Variants in RRP12 observed in about 807,000 individuals in gnomAD.
RRP12 encodes the protein ribosomal RNA processing 12 homolog.
In RRP12, 78 loss-of-function variants were observed where a neutral mutation model predicts 157.3. The observed-to-expected ratio is 0.50, with a 90% CI of 0.41 to 0.60. RRP12 has a LOEUF of 0.60. Among genes scored for constraint, RRP12 ranks in the 20% least tolerant of loss-of-function variants. RRP12 has a pLI of 0.00. For synonymous variants in RRP12, 726 were observed against 670.9 expected (o/e 1.08, Z -1.27); for missense variants, 1,521 against 1,679.9 (o/e 0.91, Z 1.65).
Position 97,366,227 on chromosome 10 carries a change from T to C in RRP12, c.3398A>G (p.Gln1133Arg). ...CTTCCTGCCCCGGCCTGGCCCTGGC[T>C]GCGTGGCTGGGGTGTAGAGTTTGGC... ...PKVAQRVLATQPGPGRGRKKD... is the reference protein window; with the variant it reads ...PKVAQRVLATRPGPGRGRKKD... Residue 1133 changes from glutamine (Q) to arginine (R), a missense_variant, in exon 29 of 34, where the codon CAG becomes CGG. Gln to Arg is a conservative substitution (Grantham distance 43, BLOSUM62 1). Coordinates refer to ENST00000370992, the MANE Select transcript of RRP12 (RefSeq NM_015179.4). 2 of 1,611,698 alleles carry C rather than the reference T, an allele frequency of 1.2e-6. No individual in the cohort carries two copies. The highest frequency in any genetic ancestry group is 1.7e-6 in the Non-Finnish European group (2 of 1,179,954).
At chr10:97,357,324 A>G in intron 33 of RRP12, 128 bp from the exon 34 acceptor site, 1 of 612,102 alleles carries the variant, frequency 1.6e-6, no homozygotes, top group South Asian at 2.0e-5. Flanking sequence ...TGGCCAGCAC[A>G]TGAACTAGGC....
At chr10:97,390,637 G>T in intron 5 of RRP12, 98 bp from the exon 6 acceptor site, 1 of 1,331,494 alleles carries the variant, frequency 7.5e-7, no homozygotes, top group Non-Finnish European at 1.1e-6. Flanking sequence ...TCTGTCTGAG[G>T]TCCCCAGGGT....
chr10:97,374,900 T>C (rs1421249734), intron 15 of RRP12, among the ~76,000 whole-genome samples: 1 of 152,074 alleles, frequency 6.6e-6, no homozygotes, highest in Non-Finnish European at 1.5e-5. Context: ...TAATGAGCAC[T>C]TCACATGACT....
At chr10:97,365,893 C>CCATATTAA (rs1843961758) in intron 29 of RRP12, 16 of 604,678 alleles carry the variant, frequency 2.6e-5, no homozygotes, top group Middle Eastern at 4.4e-4. Flanking sequence ...CCGATAGTTT[C>CCATATTAA]CTTTAAGTTA....
intron 29 of RRP12, 143 bp downstream of exon 29, chr10:97,365,965 A>T (rs11189167): frequency 9.7e-7 from 1 of 1,029,466 alleles, no homozygotes; most frequent in African/African-American, 1.6e-5. Flanking sequence ...TTTCTCAAAA[A>T]AAGTTTGAGA....
At chr10:97,368,894 G>A in intron 25 of RRP12, among the ~76,000 whole-genome samples, 1 of 152,228 alleles carries the variant, frequency 6.6e-6, no homozygotes, top group Non-Finnish European at 1.5e-5. Flanking sequence ...TAGGTACAGT[G>A]CACAGCTTGG....
Position 97,388,338 on chromosome 10 carries a change from G to C in RRP12, c.931C>G (p.Leu311Val). The change falls in exon 8 of 34, where the codon CTG (leucine) becomes GTG (valine). Residue 311 changes from leucine (L) to valine (V), a missense_variant. Coordinates refer to ENST00000370992, the MANE Select transcript of RRP12 (RefSeq NM_015179.4). ...ATTTLHMLTL[L>V]KDLLPCFPEG... is the part of the protein sequence containing the mutation. ...GGGAAGCAGGGCAGCAGGTCCTTCA[G>C]CAGCGTCAGCATGTGCAGCGTGGTG... The C allele has an allele frequency of 1.2e-6, 2 of 1,613,962 alleles. No homozygotes were observed. The highest frequency in any genetic ancestry group is 1.7e-6 in the Non-Finnish European group (2 of 1,180,038).
At chr10:97,372,391 C>T (rs1018927984) in intron 19 of RRP12, among the ~76,000 whole-genome samples, 2 of 152,204 alleles carry the variant, frequency 1.3e-5, no homozygotes, top group African/African-American at 4.8e-5. Flanking sequence ...CTTCAATCCT[C>T]ATAGCAACCT....
rs1349155739 is a variant in RRP12 at position 97,373,251 on chromosome 10, T to C, written c.2027-51A>G. 31 of 1,580,142 alleles carry C rather than the reference T, an allele frequency of 2.0e-5. 1 individual carries two copies. Among genetic ancestry groups the C allele is most frequent in the Non-Finnish European group, 2.6e-5 (30 of 1,155,276 alleles). On this transcript the variant is annotated intron_variant, in intron 17 of 33. Coordinates refer to ENST00000370992, the MANE Select transcript of RRP12 (RefSeq NM_015179.4). ...TAAAGGCACAGGAGCTGACTGTGCC[T>C]CAGTGGCTGCTGGGGCTGTGGCCCA...
At chr10:97,388,734 G>A in intron 6 of RRP12, 110 bp from the exon 7 acceptor site, 2 of 1,335,618 alleles carry the variant, frequency 1.5e-6, no homozygotes, top group Non-Finnish European at 1.0e-6. Flanking sequence ...TAGATCCAAT[G>A]ATGATCTGAC....
rs201581444 is a variant in RRP12, at chr10:97,400,446, C to A, written c.228G>T (p.Glu76Asp). Residue 76 changes from glutamate (E) to aspartate (D), a missense_variant, in exon 2 of 34, where the codon GAG (glutamate) becomes GAT (aspartate). Coordinates refer to ENST00000370992, the MANE Select transcript of RRP12 (RefSeq NM_015179.4). ...GCTCCGCCTCTTCTTCCATGGGCGT[C>A]TCCGGGGCTTCGCTTTTGCCCAAGC... ...SLRLGKSEAP[E>D]TPMEEEAELV... 85 of 1,614,150 alleles carry A rather than the reference C, an allele frequency of 5.3e-5. No individual in the cohort carries two copies. The East Asian group carries it at 1.9e-3, about 36-fold the overall frequency.
intron 29 of RRP12, among the ~76,000 whole-genome samples, chr10:97,364,740 C>T (rs1396428395): frequency 6.6e-6 from 1 of 152,164 alleles, no homozygotes; most frequent in Non-Finnish European, 1.5e-5. Context: ...TGACCAAGGG[C>T]TGAAGACTGG....
intron 8 of RRP12, chr10:97,387,969 T>C (rs1318296279): frequency 1.2e-5 from 2 of 172,616 alleles, no homozygotes; most frequent in Non-Finnish European, 2.0e-5. Context: ...AAAAAAAAAA[T>C]TGGTATAGGG....
At chr10:97,366,300 C>A in intron 28 of RRP12, 67 bp from the exon 29 acceptor site, 1 of 1,587,628 alleles carries the variant, frequency 6.3e-7, no homozygotes. Flanking sequence ...TCATCATGAC[C>A]AACAAGCCCG....
intron 18 of RRP12, 97 bp from the exon 19 acceptor site, chr10:97,372,900 C>T: frequency 1.4e-6 from 2 of 1,435,982 alleles, no homozygotes; most frequent in East Asian, 2.5e-5. Context: ...CCCATCAGCC[C>T]CCAGCCCTGC....
At chr10:97,391,906 C>G (rs1351327254) in intron 4 of RRP12, among the ~76,000 whole-genome samples, 3 of 151,850 alleles carry the variant, frequency 2.0e-5, no homozygotes, top group South Asian at 4.1e-4. Flanking sequence ...GGCAACAGAG[C>G]GAGACTCTGT....
At chr10:97,396,526 C>T (rs1039880114) in intron 2 of RRP12, among the ~76,000 whole-genome samples, 1 of 152,142 alleles carries the variant, frequency 6.6e-6, no homozygotes, top group Non-Finnish European at 1.5e-5. Context: ...CTAGAAATAC[C>T]TGCATGAGAT....
chr10:97,389,425 A>G (rs1844738995), intron 6 of RRP12, among the ~76,000 whole-genome samples: 1 of 152,156 alleles, frequency 6.6e-6, no homozygotes, highest in Non-Finnish European at 1.5e-5. Context: ...AGTGGTCAGG[A>G]AAGTGTCACC....
chr10:97,385,995 T>A lies in RRP12; in HGVS notation c.1018-2A>T. On this transcript the variant is annotated splice_acceptor_variant, in intron 8 of 33. Transcript: ENST00000370992. LOFTEE classifies it high-confidence loss of function. ...CTGCATGGCACAGGCTGTCACCAGC[T>A]GGAGGGGGACACACAGGCTTAGAAA... is the stretch of plus-strand genomic sequence containing the variant. 6.3e-7 allele frequency: 1 copy of A among 1,582,860 alleles called. No homozygotes were observed. Among genetic ancestry groups the A allele is most frequent in the Non-Finnish European group, 8.6e-7 (1 of 1,162,424 alleles).
Sources: gnomAD v4.1 joint callset for allele counts (sites outside exome capture counted in the v4.1 genomes callset) on GRCh38, gnomAD v4.1.1 for gene constraint, MANE v1.5 for transcripts, NCBI Gene and HGNC (gene_info 2026-07-23, HGNC 2026-07-21) for gene names.